The following CUL9 variants were observed in gnomAD, a reference collection of about 807,000 sequenced individuals.
The protein encoded by CUL9 is cullin-9.
Under a neutral mutation model 272.6 loss-of-function variants are expected in CUL9, and 79 were observed. The ratio of observed to expected loss-of-function variants is 0.29; its 90% confidence interval spans 0.24 to 0.35. CUL9 has a LOEUF of 0.35. Ranked by LOEUF, CUL9 falls within the 10% of genes least tolerant of loss-of-function variation. The pLI is 1.00. For synonymous variants in CUL9, 1,186 were observed against 1,286.5 expected, an observed-to-expected ratio of 0.92 and a Z score of 1.67; for missense variants, 2,532 against 3,255.6, an observed-to-expected ratio of 0.78 and a Z score of 5.41.
At chr6:43,205,144 A>G (rs1774946635) in intron 23 of CUL9, 29 bp downstream of exon 23, 2 of 1,574,750 alleles carry the variant, frequency 1.3e-6, no homozygotes, top group African/African-American at 2.7e-5. Context: ...CCACAGGGCT[A>G]TAAGCTTGTG....
rs1198477960 is a variant in CUL9 at position 43,188,749 on chromosome 6, G to A, written c.2180+34G>A. ...ACTGGGGAGGGAAGAGGTTTTGGTTGAAGCTGTAGGCAAAGGATGGTGGTA... is the reference window on the plus strand; with the variant it reads ...ACTGGGGAGGGAAGAGGTTTTGGTTAAAGCTGTAGGCAAAGGATGGTGGTA... On this transcript the variant is annotated intron_variant, in intron 8 of 40. Coordinates refer to ENST00000252050, the MANE Select transcript of CUL9 (RefSeq NM_015089.4). The A allele has an allele frequency of 4.6e-6, 7 of 1,524,052 alleles. No homozygotes were observed. The South Asian group carries it at 6.2e-5, about 13-fold the overall frequency. 94.4% of individuals were successfully genotyped at this position (1,524,052 alleles called of 1,614,324 possible).
chr6:43,187,410 T>C lies in CUL9; in HGVS notation c.1552T>C (p.Phe518Leu). 1 of 1,614,152 alleles carries C rather than the reference T, an allele frequency of 6.2e-7. No homozygotes were observed. Among genetic ancestry groups the C allele is most frequent in the East Asian group, 2.2e-5 (1 of 44,890 alleles). Residue 518 changes from phenylalanine to leucine, a missense_variant, in exon 6 of 41, where the codon TTC (phenylalanine) becomes CTC (leucine). Physicochemically the swap from Phe to Leu is conservative, Grantham distance 22 (BLOSUM62 0). Around this residue, in one of 3 missense-constraint regions of CUL9, gnomAD observed 2,218 missense variants for 2,788.6 expected, o/e 0.80. Coordinates refer to ENST00000252050, the MANE Select transcript of CUL9 (RefSeq NM_015089.4). ...GGACTTGTGTGAGCAGCAGCCAATT[T>C]TCCAGAATCTTTGGAAGAACCTGGA... is the stretch of plus-strand genomic sequence containing the variant. ...KLDLCEQQPI[F>L]QNLWKNLDET...
chr6:43,187,201 C>T, intron 5 of CUL9, 45 bp from the exon 6 acceptor site: 1 of 1,606,928 alleles, frequency 6.2e-7, no homozygotes, highest in Non-Finnish European at 8.5e-7. Context: ...AGAAATAGAC[C>T]CCATTCCTGA....
Position 43,203,793 on chromosome 6 carries a change from G to C in CUL9, c.4026-61G>C, listed in dbSNP as rs1562040546. On this transcript the variant is annotated intron_variant, in intron 19 of 40. Transcript: ENST00000252050. This position sits in a 1 kb window ranked among gnomAD's most constrained non-coding sequence, Gnocchi z 5.0. ...GGTGATTGGGAGCTGATCTGCACTTGAATGGAGGCCTCTGGGAAATCGGTG... is the reference window on the plus strand; with the variant it reads ...GGTGATTGGGAGCTGATCTGCACTTCAATGGAGGCCTCTGGGAAATCGGTG... The C allele has an allele frequency of 6.4e-7, 1 of 1,553,554 alleles. No individual in the cohort carries two copies. The highest frequency in any genetic ancestry group is 8.7e-7 in the Non-Finnish European group (1 of 1,146,428).
chr6:43,184,471 G>A lies in CUL9; in HGVS notation c.161G>A (p.Gly54Asp), dbSNP rs781004607. The change falls in exon 2 of 41, where the codon GGT becomes GAT. Residue 54 changes from glycine to aspartate, a missense_variant. Around this residue, in one of 3 missense-constraint regions of CUL9, gnomAD observed 2,218 missense variants for 2,788.6 expected, o/e 0.80. Coordinates refer to ENST00000252050, the MANE Select transcript of CUL9 (RefSeq NM_015089.4). The surrounding 1 kb of genome is among the most constrained non-coding windows in gnomAD (Gnocchi z 4.8). ...AAGTGTGGGGAAGTGGGCAAAGTGG[G>A]TGTGGAAGAAGGCAAAGCAGAGCAC... is the stretch of plus-strand genomic sequence containing the variant. ...VLKCGEVGKV[G>D]VEEGKAEHIL... is the part of the protein sequence containing the mutation. 7.4e-6 allele frequency: 12 copies of A among 1,613,634 alleles called. No homozygotes were observed. The highest frequency in any genetic ancestry group is 1.7e-5 in the Admixed American group (1 of 59,942).
At position 43,184,428 on chromosome 6, in the gene CUL9, A is replaced by G; in HGVS notation, c.118A>G (p.Ile40Val). The change falls in exon 2 of 41, where the codon ATC becomes GTC. Residue 40 changes from isoleucine to valine, a missense_variant. This residue lies in a region of CUL9 where 2,218 missense variants were observed against 2,788.6 expected (regional missense o/e 0.80). Transcript: ENST00000252050. This position sits in a 1 kb window ranked among gnomAD's most constrained non-coding sequence, Gnocchi z 4.8. ...GCATGACGGGCATCCTGAATACCTG[A>G]TCCGATGGAGTGTCCTGAAGTGTGG... ...PGHDGHPEYL[I>V]RWSVLKCGEV... is the part of the protein sequence containing the mutation. 6.2e-7 allele frequency: 1 copy of G among 1,613,872 alleles called. No homozygotes were observed. Among genetic ancestry groups the G allele is most frequent in the Non-Finnish European group, 8.5e-7 (1 of 1,179,912 alleles).
At chr6:43,216,069 A>G in intron 30 of CUL9, 89 bp from the exon 31 acceptor site, 2 of 1,265,908 alleles carry the variant, frequency 1.6e-6, no homozygotes, top group Non-Finnish European at 1.1e-6. Flanking sequence ...AGTATGCTCA[A>G]AGAGGGAGCT....
chr6:43,193,969 C>A (rs1773760247), intron 9 of CUL9, among the ~76,000 whole-genome samples: 1 of 152,048 alleles, frequency 6.6e-6, no homozygotes, highest in African/African-American at 2.4e-5. Context: ...ATAGAAAATA[C>A]TCTGTTACTA....
chr6:43,184,335 G>T lies in CUL9; in HGVS notation c.25G>T (p.Asp9Tyr), dbSNP rs778846932. The T allele has an allele frequency of 6.5e-7, 1 of 1,546,568 alleles. No homozygotes were observed. The highest frequency in any genetic ancestry group is 1.4e-5 in the African/African-American group (1 of 73,190). MVGERHAG[D>Y]LMVPLGPRLQ... Reference sequence around the variant, plus strand: ...GATGGTGGGGGAACGGCATGCTGGGGACCTCATGGTGCCCTTAGGGCCTCG... The same window carrying T: ...GATGGTGGGGGAACGGCATGCTGGGTACCTCATGGTGCCCTTAGGGCCTCG... The change falls in exon 2 of 41, where the codon GAC becomes TAC. Residue 9 changes from aspartate to tyrosine, a missense_variant. Asp to Tyr is a radical substitution (Grantham distance 160). Transcript: ENST00000252050. This position sits in a 1 kb window ranked among gnomAD's most constrained non-coding sequence, Gnocchi z 4.8.
At chr6:43,216,078 C>T (rs1405186236) in intron 30 of CUL9, 80 bp from the exon 31 acceptor site, 8 of 1,340,264 alleles carry the variant, frequency 6.0e-6, no homozygotes, top group African/African-American at 1.5e-5. Context: ...AAAGAGGGAG[C>T]TGGGGGCCAG....
In CUL9 at chr6:43,189,762, C is replaced by T. The variant is rs184419305; in HGVS notation, c.2180+1047C>T. On this transcript the variant is annotated intron_variant, in intron 8 of 40. Transcript: ENST00000252050. ...TTCACCCTGTTGGCCAGGCTGGTCT[C>T]GAACTCCTAACCTCAGATGATCCAG... 3.8e-3 allele frequency among the ~76,000 whole-genome samples: 571 copies of T among 152,138 alleles called. 5 individuals are homozygous for T. Among genetic ancestry groups the T allele is most frequent in the African/African-American group, 0.013 (544 of 41,494 alleles).
In CUL9 at chr6:43,213,430, C is replaced by T. The variant is rs1355594817; in HGVS notation, c.5359-8C>T. ...TTTGACTCCTGACTGGGCGTTTCTG[C>T]TCATCAGGAGGTGTCAGTAGAGACC... is the stretch of plus-strand genomic sequence containing the variant. On this transcript the variant is annotated splice_region_variant and splice_polypyrimidine_tract_variant and intron_variant, in intron 27 of 40. Coordinates refer to ENST00000252050, the MANE Select transcript of CUL9 (RefSeq NM_015089.4). This position sits in a 1 kb window ranked among gnomAD's most constrained non-coding sequence, Gnocchi z 5.7. The T allele has an allele frequency of 6.2e-7, 1 of 1,613,872 alleles. No homozygotes were observed. Among genetic ancestry groups the T allele is most frequent in the East Asian group, 2.2e-5 (1 of 44,896 alleles).
At chr6:43,187,618 TG>T (rs1773046978) in intron 6 of CUL9, 94 bp from the exon 7 acceptor site, 2 of 1,419,596 alleles carry the variant, frequency 1.4e-6, no homozygotes, top group Non-Finnish European at 1.9e-6. Context: ...GTAGAAGGTG[TG>T]GGGGCATGGT....
chr6:43,190,526 T>C (rs1259972808), intron 8 of CUL9, among the ~76,000 whole-genome samples: 1 of 152,198 alleles, frequency 6.6e-6, no homozygotes, highest in East Asian at 1.9e-4. Context: ...TCTGATCATA[T>C]TCAAGTGAGA....
chr6:43,217,184 C>T (rs1332189502), intron 31 of CUL9, among the ~76,000 whole-genome samples: 2 of 152,014 alleles, frequency 1.3e-5, no homozygotes, highest in African/African-American at 4.8e-5. Flanking sequence ...GGCAAGACCC[C>T]GTCTCTACAA....
chr6:43,216,092 G>A, intron 30 of CUL9, 66 bp from the exon 31 acceptor site: 1 of 1,451,840 alleles, frequency 6.9e-7, no homozygotes, highest in Non-Finnish European at 9.4e-7. Context: ...GGGCCAGGTG[G>A]GGTTCAGTTA....
At chr6:43,191,252 T>TGTG (rs1554167831) in intron 8 of CUL9, among the ~76,000 whole-genome samples, 1 of 126,974 alleles carries the variant, frequency 7.9e-6, no homozygotes, top group Non-Finnish European at 1.6e-5. Flanking sequence ...CTAAATTGCA[T>TGTG]TGTGTGTGTG....
chr6:43,205,135 C>T lies in CUL9; in HGVS notation c.4632+20C>T, dbSNP rs745565765. 23 of 1,574,848 alleles carry T rather than the reference C, an allele frequency of 1.5e-5. No individual in the cohort carries two copies. The African/African-American group carries it at 2.7e-4, about 18-fold the overall frequency. ...GCTCACGTGAGTCCCACCAGCTCCCCACAGGGCTATAAGCTTGTGTTCCAA... is the reference window on the plus strand; with the variant it reads ...GCTCACGTGAGTCCCACCAGCTCCCTACAGGGCTATAAGCTTGTGTTCCAA... On this transcript the variant is annotated intron_variant, in intron 23 of 40. Coordinates refer to ENST00000252050, the MANE Select transcript of CUL9 (RefSeq NM_015089.4).
At chr6:43,208,632 T>C (rs546435915) in intron 26 of CUL9, among the ~76,000 whole-genome samples, 1 of 152,358 alleles carries the variant, frequency 6.6e-6, no homozygotes, top group African/African-American at 2.4e-5. Flanking sequence ...TAATAAAGCT[T>C]TTTCTCTAGA....
Sources: allele counts gnomAD v4.1 joint callset (sites outside exome capture counted in the v4.1 genomes callset), GRCh38; gene constraint gnomAD v4.1.1; regional missense constraint gnomAD v4.1.1; non-coding constraint Gnocchi (gnomAD v3.1); transcripts MANE v1.5; gene names NCBI Gene and HGNC (gene_info 2026-07-23, HGNC 2026-07-21).